Variants in KCNT1 observed in about 807,000 individuals in gnomAD.
KCNT1 encodes the protein potassium sodium-activated channel subfamily T member 1, also known as potassium channel subfamily T member 1.
Under a neutral mutation model 147.8 loss-of-function variants are expected in KCNT1, and 78 were observed. The ratio of observed to expected loss-of-function variants is 0.53; its 90% CI spans 0.44 to 0.64. KCNT1 has a LOEUF of 0.64. KCNT1 is among the 30% of genes least tolerant of loss of function. The pLI is 0.00. For missense variants in KCNT1, 1,419 were observed against 1,750.3 expected, an observed-to-expected ratio of 0.81 and a Z score of 3.38; for synonymous variants, 867 against 748.8, an observed-to-expected ratio of 1.16 and a Z score of -2.58.
chr9:135,784,316 G>A (rs535779550), intron 25 of KCNT1, among the ~76,000 whole-genome samples, 191 bp downstream of exon 25: 8 of 152,274 alleles, frequency 5.3e-5, no homozygotes, highest in African/African-American at 1.9e-4. Flanking sequence ...ATGGGTGCCT[G>A]GCAAGGGAGT....
At chr9:135,750,832 G>T in intron 3 of KCNT1, 110 bp from the exon 4 acceptor site, 1 of 929,194 alleles carries the variant, frequency 1.1e-6, no homozygotes, top group Non-Finnish European at 1.7e-6. Flanking sequence ...GGGTGTGGGA[G>T]GGGAGCCCAG....
chr9:135,783,414 G>A (rs867813434), intron 24 of KCNT1, among the ~76,000 whole-genome samples: 11 of 151,930 alleles, frequency 7.2e-5, no homozygotes, highest in African/African-American at 2.2e-4. Context: ...GAGGGAGCGG[G>A]GCCCTGCCCA....
At chr9:135,756,511 G>A (rs572081031) in intron 6 of KCNT1, among the ~76,000 whole-genome samples, 101 of 152,226 alleles carry the variant, frequency 6.6e-4, no homozygotes, top group Admixed American at 1.6e-3. Context: ...GGGGTTCCGT[G>A]GGGGAAAACC....
At chr9:135,734,389 G>A (rs1020419572) in intron 2 of KCNT1, among the ~76,000 whole-genome samples, 110 of 152,318 alleles carry the variant, frequency 7.2e-4, no homozygotes, top group African/African-American at 2.3e-3. Flanking sequence ...GCTCGATGCC[G>A]AAGGTATTGT....
At chr9:135,718,776 G>A (rs372443166) in intron 2 of KCNT1, among the ~76,000 whole-genome samples, 3 of 152,326 alleles carry the variant, frequency 2.0e-5, no homozygotes, top group Non-Finnish European at 4.4e-5. Flanking sequence ...GGCAGGACTC[G>A]GGCTTCCTGT....
intron 25 of KCNT1, 128 bp downstream of exon 25, chr9:135,784,253 G>GA: frequency 1.3e-6 from 1 of 786,062 alleles, no homozygotes; most frequent in Non-Finnish European, 2.1e-6. Flanking sequence ...GGATTCCAAG[G>GA]AGACCTCTGG....
intron 2 of KCNT1, among the ~76,000 whole-genome samples, chr9:135,734,731 C>T (rs1053695023): frequency 3.9e-5 from 6 of 152,180 alleles, no homozygotes; most frequent in Non-Finnish European, 7.4e-5. Context: ...TTGCCTCCTG[C>T]GTGAGGCTTC....
chr9:135,774,411 GGTGT>G (rs1421462118), intron 19 of KCNT1, among the ~76,000 whole-genome samples: 365 of 138,450 alleles, frequency 2.6e-3, no homozygotes, highest in Non-Finnish European at 4.6e-3. Flanking sequence ...GTGTGTGTGT[GGTGT>G]GTGTCTGTGT....
chr9:135,773,282 C>A (rs1398449389), intron 19 of KCNT1, among the ~76,000 whole-genome samples: 1 of 152,178 alleles, frequency 6.6e-6, no homozygotes, highest in Non-Finnish European at 1.5e-5. Flanking sequence ...GCAGCGCCAC[C>A]CTCAGAGAGG....
intron 2 of KCNT1, among the ~76,000 whole-genome samples, chr9:135,740,682 G>A (rs1199760367): frequency 6.6e-6 from 1 of 152,258 alleles, no homozygotes; most frequent in Non-Finnish European, 1.5e-5. Context: ...GGCTTCGGGT[G>A]CAGGTTCTGT....
chr9:135,736,739 T>A (rs1830357854), intron 2 of KCNT1: 1 of 376,958 alleles, frequency 2.7e-6, no homozygotes, highest in Non-Finnish European at 4.7e-6. Context: ...CTCAGCCCGC[T>A]GCTGCCGGCC....
chr9:135,720,910 T>C (rs1313819007), intron 2 of KCNT1, among the ~76,000 whole-genome samples: 1 of 152,158 alleles, frequency 6.6e-6, no homozygotes, highest in Admixed American at 6.5e-5. Context: ...CAGACTCAGG[T>C]GTAGCTGGAG....
intron 2 of KCNT1, among the ~76,000 whole-genome samples, chr9:135,731,991 T>TATATATAGAGAGAGAG (rs1276318460): frequency 6.0e-4 from 13 of 21,694 alleles, no homozygotes; most frequent in South Asian, 2.2e-3. Context: ...TATATATATA[T>TATATATAGAGAGAGAG]AGAGAGAGAG....
chr9:135,778,642 G>T, intron 22 of KCNT1, 46 bp from the exon 23 acceptor site: 1 of 1,611,014 alleles, frequency 6.2e-7, no homozygotes, highest in Non-Finnish European at 8.5e-7. Flanking sequence ...CTGTGGGTGG[G>T]GAGTGGGCCG....
At chr9:135,785,278 C>G (rs775846471) in intron 27 of KCNT1, 32 bp from the exon 28 acceptor site, 8 of 1,611,958 alleles carry the variant, frequency 5.0e-6, no homozygotes, top group Non-Finnish European at 6.8e-6. Flanking sequence ...GGTGCGCCCA[C>G]AGGTCCCAGA....
rs776201547 is a variant in KCNT1, at chr9:135,731,960, G to GTATATATATATATATA, written c.254+17257_254+17272dup. Among the ~76,000 whole-genome samples, 133 of 41,334 alleles carry GTATATATATATATATA rather than the reference G, an allele frequency of 3.2e-3. 4 individuals are homozygous for GTATATATATATATATA. Among genetic ancestry groups the GTATATATATATATATA allele is most frequent in the Non-Finnish European group, 4.3e-3 (90 of 21,020 alleles). The allele number at this position is 41,334 out of a possible 152,430, so 27.1% of individuals were successfully genotyped here. A position where few individuals can be genotyped will look rare whatever the true frequency, so the allele number is the denominator to read the frequency against. On this transcript the variant is annotated intron_variant, in intron 2 of 30. Coordinates refer to ENST00000371757, the MANE Select transcript of KCNT1 (RefSeq NM_020822.3). Reference sequence around the variant, plus strand: ...ATCTAAATACTTTTCAAATATGCGTGTATATATATATATATATATATATAT... The same window carrying GTATATATATATATATA: ...ATCTAAATACTTTTCAAATATGCGTGTATATATATATATATATATATATATATATATATATATATAT...
At chr9:135,756,630 C>T (rs1588321238) in intron 6 of KCNT1, among the ~76,000 whole-genome samples, 3 of 152,304 alleles carry the variant, frequency 2.0e-5, no homozygotes, top group East Asian at 1.9e-4. Flanking sequence ...CTCCATCCCA[C>T]CCTGGGCCTA....
At chr9:135,762,986 A>G (rs1387857166) in intron 11 of KCNT1, among the ~76,000 whole-genome samples, 2 of 152,242 alleles carry the variant, frequency 1.3e-5, no homozygotes, top group Non-Finnish European at 1.5e-5. Flanking sequence ...CAGATCAGCC[A>G]CTGCCTGACT....
Position 135,768,836 on chromosome 9 carries a change from A to G in KCNT1, c.1409A>G (p.Gln470Arg), listed in dbSNP as rs773888049. The change falls in exon 15 of 31, where the codon CAG becomes CGG. Residue 470 changes from glutamine to arginine, a missense_variant. Gln to Arg is a conservative substitution (Grantham distance 43). Transcript: ENST00000371757. ...AACCACCCACCCCGCCAGGACCACC[A>G]GACCATCCTGCGCGCCTGGGCCGTG... The part of the protein sequence containing the change: ...NEVDRTAADH[Q>R]TILRAWAVKD... The G allele has an allele frequency of 6.2e-7, 1 of 1,612,152 alleles. No individual in the cohort carries two copies. Among genetic ancestry groups the G allele is most frequent in the Admixed American group, 1.7e-5 (1 of 59,970 alleles).
Sources: allele counts gnomAD v4.1 joint callset (sites outside exome capture counted in the v4.1 genomes callset), GRCh38; gene constraint gnomAD v4.1.1; transcripts MANE v1.5; gene names NCBI Gene and HGNC (gene_info 2026-07-23, HGNC 2026-07-21).